The following CFAP65 variants were observed in gnomAD, a reference collection of about 807,000 sequenced individuals.
CFAP65 encodes cilia and flagella associated protein 65, also known as cilia- and flagella-associated protein 65.
CFAP65 carries 155 observed loss-of-function variants against 208.0 expected under a neutral mutation model. That is an observed-to-expected ratio of 0.75 (90% CI 0.65 to 0.85). The LOEUF is 0.85. Among genes scored for constraint, CFAP65 ranks in the 40% least tolerant of loss-of-function variants. The pLI is 0.00. For synonymous variants in CFAP65, 970 were observed against 986.3 expected (o/e 0.98, Z 0.31); for missense variants, 2,294 against 2,451.3 (o/e 0.94, Z 1.36).
At position 219,032,413 on chromosome 2, in the gene CFAP65, T is replaced by A; in HGVS notation, c.645+57A>T. ...CTGGTTGCTCTGTCCTGTTTTCTGT[T>A]CTGAGGTCACTGCTCCCAGGTACCT... On this transcript the variant is annotated intron_variant, in intron 6 of 34. Coordinates refer to ENST00000341552, the MANE Select transcript of CFAP65 (RefSeq NM_194302.4). This position sits in a 1 kb window ranked among gnomAD's most constrained non-coding sequence, Gnocchi z 5.5. 6.8e-7 allele frequency: 1 copy of A among 1,471,600 alleles called. No individual in the cohort carries two copies. The highest frequency in any genetic ancestry group is 1.2e-5 in the South Asian group (1 of 80,450). The allele number at this position is 1,471,600 out of a possible 1,614,324, so 91.2% of individuals were successfully genotyped here.
intron 26 of CFAP65, among the ~76,000 whole-genome samples, 187 bp downstream of exon 26, chr2:219,010,359 C>T (rs976957085): frequency 6.6e-6 from 1 of 152,106 alleles, no homozygotes; most frequent in Non-Finnish European, 1.5e-5. Flanking sequence ...GCAGGGTAGA[C>T]CTCTCATGGA....
At chr2:219,039,226 GC>G in intron 2 of CFAP65, 176 bp from the exon 3 acceptor site, 1 of 486,308 alleles carries the variant, frequency 2.1e-6, no homozygotes, top group Non-Finnish European at 3.5e-6. Flanking sequence ...AGGAGGAATG[GC>G]CACAGTTTTC....
chr2:219,041,497 A>G lies in CFAP65; in HGVS notation c.-58T>C, dbSNP rs1484853637. The G allele has an allele frequency of 5.8e-6, 9 of 1,550,468 alleles. No individual in the cohort carries two copies. The highest frequency in any genetic ancestry group is 1.4e-5 in the African/African-American group (1 of 73,036). ...AACGCTCAGAACTTACATCGCCTCC[A>G]TATTGCCGTCTCCATAGATACAGGA... On this transcript the variant is annotated 5_prime_UTR_variant, in exon 1 of 35. An upstream start codon of the reference 5' UTR is lost. Coordinates refer to ENST00000341552, the MANE Select transcript of CFAP65 (RefSeq NM_194302.4).
At chr2:219,028,767 C>T (rs181496810) in intron 11 of CFAP65, among the ~76,000 whole-genome samples, 3 of 152,168 alleles carry the variant, frequency 2.0e-5, no homozygotes, top group Non-Finnish European at 4.4e-5. Context: ...ATCAGGCCTC[C>T]CTCTGGGCTT....
rs1946254812 is a variant in CFAP65 at position 219,009,209 on chromosome 2, T to A, written c.4567-55A>T. ...CAAGGTCTGGAGCTTGCCCGGGGCCTATGCTGTGAGCCCTCTCCCTTCCAA... is the reference window on the plus strand; with the variant it reads ...CAAGGTCTGGAGCTTGCCCGGGGCCAATGCTGTGAGCCCTCTCCCTTCCAA... On this transcript the variant is annotated intron_variant, in intron 28 of 34. Coordinates refer to ENST00000341552, the MANE Select transcript of CFAP65 (RefSeq NM_194302.4). 9 of 1,548,200 alleles carry A rather than the reference T, an allele frequency of 5.8e-6. No individual in the cohort carries two copies. In the Admixed American group the frequency reaches 1.3e-4, roughly 23 times the overall value.
At chr2:219,024,301 C>A in intron 14 of CFAP65, 41 bp from the exon 15 acceptor site, 2 of 1,579,406 alleles carry the variant, frequency 1.3e-6, no homozygotes, top group Non-Finnish European at 1.7e-6. Flanking sequence ...CCGCTCAGAC[C>A]TCCACCCTGG....
chr2:219,018,719 G>T (rs974129229), intron 21 of CFAP65: 3 of 297,850 alleles, frequency 1.0e-5, no homozygotes, highest in African/African-American at 4.3e-5. Flanking sequence ...AGGATTGGAG[G>T]AGAAAAGACT....
chr2:219,009,997 G>C lies in CFAP65; in HGVS notation c.4397C>G (p.Ser1466Cys). The change falls in exon 27 of 35, where the codon TCC (serine) becomes TGC (cysteine). Residue 1466 changes from serine (S) to cysteine (C), a missense_variant. By Grantham distance (112) the Ser-to-Cys change is moderately radical. Coordinates refer to ENST00000341552, the MANE Select transcript of CFAP65 (RefSeq NM_194302.4). The stretch of plus-strand genomic sequence containing the variant: ...GGAGAAGGCAATTTCCTCGTTCTTG[G>C]AGATGTTGTTGAGGAAGAGCAGGCG... ...CSRLLFLNNI[S>C]KNEEIAFSWQ... 6.2e-7 allele frequency: 1 copy of C among 1,612,958 alleles called. No homozygotes were observed. The highest frequency in any genetic ancestry group is 1.1e-5 in the South Asian group (1 of 90,938).
chr2:219,031,970 G>C lies in CFAP65; in HGVS notation c.646-312C>G, dbSNP rs1448144969. ...GAGTCTCGCTCTGTCACCCAGGCTG[G>C]AGTGCAGTGGTGAGATCTCAGCTCA... On this transcript the variant is annotated intron_variant, in intron 6 of 34. Transcript: ENST00000341552. This position sits in a 1 kb window ranked among gnomAD's most constrained non-coding sequence, Gnocchi z 5.2. Among the ~76,000 whole-genome samples, 2 of 150,176 alleles carry C rather than the reference G, an allele frequency of 1.3e-5. No homozygotes were observed. Among genetic ancestry groups the C allele is most frequent in the Non-Finnish European group, 3.0e-5 (2 of 67,604 alleles).
rs988792131 is a variant in CFAP65, at chr2:219,023,283, C to T, written c.2744G>A (p.Trp915Ter). 6.2e-7 allele frequency: 1 copy of T among 1,613,348 alleles called. No individual in the cohort carries two copies. Among genetic ancestry groups the T allele is most frequent in the Non-Finnish European group, 8.5e-7 (1 of 1,179,950 alleles). The change falls in exon 16 of 35, where the codon TGG becomes TAG. Residue 915 changes from tryptophan (W) to a stop codon, truncating the protein, a stop_gained. Transcript: ENST00000341552. LOFTEE classifies it high-confidence loss of function. ...NPSRLPLQFE[W>*]RVSEQHRKLL... ...CTTTCGATGCTGCTCAGAGACCCTC[C>T]ACTCGAACTGCAGGGGCAGACGCGA...
At chr2:219,010,424 C>T (rs1559121585) in intron 26 of CFAP65, 122 bp downstream of exon 26, 1 of 1,060,160 alleles carries the variant, frequency 9.4e-7, no homozygotes, top group Non-Finnish European at 1.3e-6. Context: ...CTCATCTCTG[C>T]CTCTGTCCCT....
At position 219,009,336 on chromosome 2, in the gene CFAP65, C is replaced by T; in HGVS notation, c.4566+11G>A. The T allele has an allele frequency of 6.2e-7, 1 of 1,602,002 alleles. No homozygotes were observed. ...CCTCCATCCCACTTTACCCCTGGGG[C>T]TGGTTCCTACCTTGCATACCAGGTC... On this transcript the variant is annotated intron_variant, in intron 28 of 34. Coordinates refer to ENST00000341552, the MANE Select transcript of CFAP65 (RefSeq NM_194302.4).
intron 27 of CFAP65, 113 bp from the exon 28 acceptor site, chr2:219,009,573 G>T: frequency 1.4e-6 from 1 of 701,040 alleles, no homozygotes. Flanking sequence ...AGACAAGATG[G>T]GATGGGATAG....
chr2:219,005,208 T>C (rs1306374393), intron 32 of CFAP65, among the ~76,000 whole-genome samples: 1 of 152,102 alleles, frequency 6.6e-6, no homozygotes, highest in Non-Finnish European at 1.5e-5. Flanking sequence ...GTATTTTTTG[T>C]AGAGATGGGG....
intron 1 of CFAP65, 138 bp from the exon 2 acceptor site, chr2:219,040,702 C>A: frequency 7.7e-7 from 1 of 1,295,622 alleles, no homozygotes; most frequent in South Asian, 1.4e-5. Context: ...AGTCTCCACT[C>A]AACACATGAA....
chr2:219,006,856 T>C (rs1400380216), intron 29 of CFAP65, among the ~76,000 whole-genome samples: 4 of 144,340 alleles, frequency 2.8e-5, no homozygotes, highest in East Asian at 2.0e-4. Flanking sequence ...AAAAAAAAGA[T>C]GTGAGAGGCT....
intron 27 of CFAP65, among the ~76,000 whole-genome samples, 186 bp from the exon 28 acceptor site, chr2:219,009,646 T>C (rs1946300824): frequency 9.6e-6 from 1 of 104,166 alleles, no homozygotes; most frequent in African/African-American, 4.4e-5. Context: ...TGGGATGGGA[T>C]GGGATGGGAT....
chr2:219,022,578 G>A (rs1341437734), intron 16 of CFAP65, among the ~76,000 whole-genome samples: 1 of 152,168 alleles, frequency 6.6e-6, no homozygotes, highest in Non-Finnish European at 1.5e-5. Flanking sequence ...AGAGAAGTGG[G>A]GTCCCTTGCC....
intron 31 of CFAP65, 36 bp from the exon 32 acceptor site, chr2:219,005,598 A>G: frequency 6.2e-7 from 1 of 1,608,100 alleles, no homozygotes; most frequent in Non-Finnish European, 8.5e-7. Context: ...GGCCTGGGCA[A>G]GCCACCATGC....
Sources: gnomAD v4.1 joint callset for allele counts (sites outside exome capture counted in the v4.1 genomes callset) on GRCh38, gnomAD v4.1.1 for gene constraint, Gnocchi (gnomAD v3.1) non-coding constraint, MANE v1.5 for transcripts, NCBI Gene and HGNC (gene_info 2026-07-23, HGNC 2026-07-21) for gene names.